The following PITPNM2 variants were observed in gnomAD, a reference collection of about 807,000 sequenced individuals.
PITPNM2 encodes membrane-associated phosphatidylinositol transfer protein 2.
In PITPNM2, 35 loss-of-function variants were observed where a neutral mutation model predicts 132.2. The observed-to-expected ratio is 0.26, with a 90% CI of 0.20 to 0.35. The LOEUF (loss-of-function observed/expected upper bound fraction) is 0.35, where lower values mean the gene tolerates loss of function less well. Ranked by LOEUF, PITPNM2 falls within the 10% of genes least tolerant of loss-of-function variation. The probability of loss-of-function intolerance (pLI) is 1.00; values close to 1 mark genes in which losing one functional copy is unlikely to be tolerated. For missense variants in PITPNM2, 1,332 were observed against 1,912.0 expected (o/e 0.70, Z 5.66); for synonymous variants, 738 against 799.2 (o/e 0.92, Z 1.29).
Position 122,992,422 on chromosome 12 carries a change from C to A in PITPNM2, c.2404+77G>T. ...TCTCACCTGGGGAAGAACCACGTAG[C>A]ATGGAGGACCTAGGAGCCAGGGAGC... On this transcript the variant is annotated intron_variant, in intron 16 of 25. Transcript: ENST00000320201. This position sits in a 1 kb window ranked among gnomAD's most constrained non-coding sequence, Gnocchi z 6.5. 6.0e-6 allele frequency: 9 copies of A among 1,487,840 alleles called. 1 individual carries two copies. In the South Asian group the frequency reaches 1.2e-4, roughly 19 times the overall value. The allele number at this position is 1,487,840 out of a possible 1,614,324, so 92.2% of individuals were successfully genotyped here. A position where few individuals can be genotyped will look rare whatever the true frequency, so the allele number is the denominator to read the frequency against.
chr12:123,137,463 C>T (rs2043406346), intron 1 of PITPNM2, among the ~76,000 whole-genome samples: 1 of 152,144 alleles, frequency 6.6e-6, no homozygotes. Flanking sequence ...TGTGCCTGAC[C>T]AGGACAACAG....
At chr12:123,057,950 A>T (rs1325590132) in intron 2 of PITPNM2, among the ~76,000 whole-genome samples, 1 of 152,126 alleles carries the variant, frequency 6.6e-6, no homozygotes, top group Non-Finnish European at 1.5e-5. Flanking sequence ...AGAGGTTGGA[A>T]TGTGACCCTC....
intron 1 of PITPNM2, among the ~76,000 whole-genome samples, chr12:123,114,873 T>C (rs780537338): frequency 6.6e-6 from 1 of 152,238 alleles, no homozygotes; most frequent in Admixed American, 6.5e-5. Context: ...CTCACTGAGC[T>C]GATCTTCAGC....
rs756531051 is a variant in PITPNM2 at position 122,998,539 on chromosome 12, C to G, written c.1225-967G>C. 9.4e-4 allele frequency among the ~76,000 whole-genome samples: 143 copies of G among 152,338 alleles called. 2 individuals carry two copies. The highest frequency in any genetic ancestry group is 7.8e-4 in the Admixed American group (12 of 15,306). On this transcript the variant is annotated intron_variant, in intron 10 of 25. Transcript: ENST00000320201. Reference sequence around the variant, plus strand: ...CTGCCCCAAGCTTCTGGTATGTGACCAGAGGATAGCAGCAGGGCCAGGGCC... The same window carrying G: ...CTGCCCCAAGCTTCTGGTATGTGACGAGAGGATAGCAGCAGGGCCAGGGCC...
intron 1 of PITPNM2, among the ~76,000 whole-genome samples, chr12:123,126,365 G>C (rs756993261): frequency 1.6e-4 from 25 of 152,154 alleles, no homozygotes; most frequent in Non-Finnish European, 3.4e-4. Context: ...CCACAATCCA[G>C]TCTGGCAAGC....
intron 6 of PITPNM2, among the ~76,000 whole-genome samples, chr12:123,006,469 G>T (rs1592936248): frequency 6.6e-6 from 1 of 151,826 alleles, no homozygotes; most frequent in Non-Finnish European, 1.5e-5. Context: ...GGGAGGCTGA[G>T]GTGAGAGGAT....
At chr12:123,125,860 T>A (rs1323666768) in intron 1 of PITPNM2, among the ~76,000 whole-genome samples, 1 of 96,130 alleles carries the variant, frequency 1.0e-5, no homozygotes. Context: ...AAAAAAAAAT[T>A]AGGGTTTTTT....
chr12:123,144,499 T>C (rs1349606200), intron 1 of PITPNM2, among the ~76,000 whole-genome samples: 1 of 152,230 alleles, frequency 6.6e-6, no homozygotes, highest in African/African-American at 2.4e-5. Context: ...GGGCACGATC[T>C]CGGCTCACTG....
At chr12:123,103,226 C>T (rs917732065) in intron 2 of PITPNM2, among the ~76,000 whole-genome samples, 2 of 152,202 alleles carry the variant, frequency 1.3e-5, no homozygotes, top group Admixed American at 1.3e-4. Flanking sequence ...GGCCATTTCC[C>T]TGCATATGCC....
chr12:123,112,571 C>T (rs1012911433), intron 1 of PITPNM2, among the ~76,000 whole-genome samples: 1 of 144,606 alleles, frequency 6.9e-6, no homozygotes, highest in Non-Finnish European at 1.5e-5. Flanking sequence ...TGGAGTCTTG[C>T]TCTGTCACCC....
chr12:123,081,351 G>A (rs1304217711), intron 2 of PITPNM2: 2 of 152,260 alleles, frequency 1.3e-5, no homozygotes, highest in Non-Finnish European at 2.9e-5. Flanking sequence ...CTCAACTGCT[G>A]TTTCCCCTAG....
At chr12:123,062,475 G>C (rs532898476) in intron 2 of PITPNM2, among the ~76,000 whole-genome samples, 1 of 152,266 alleles carries the variant, frequency 6.6e-6, no homozygotes, top group African/African-American at 2.4e-5. Context: ...AGAAATCCCA[G>C]GGAAGGGACA....
Position 123,000,382 on chromosome 12 carries a change from A to C in PITPNM2, c.1224+396T>G, listed in dbSNP as rs1425902960. On this transcript the variant is annotated intron_variant, in intron 10 of 25. Transcript: ENST00000320201. The surrounding 1 kb of genome is among the most constrained non-coding windows in gnomAD (Gnocchi z 5.4). ...CCATCTTGTCGGCCACGGCCACATC[A>C]CTTCTGCCTAGACGACTGTCGCTTC... is the stretch of plus-strand genomic sequence containing the variant. The C allele has an allele frequency of 1.4e-6, 1 of 701,880 alleles. No individual in the cohort carries two copies. Among genetic ancestry groups the C allele is most frequent in the South Asian group, 1.5e-5 (1 of 67,546 alleles). The allele number at this position is 701,880 out of a possible 1,614,324, so 43.5% of individuals were successfully genotyped here.
intron 3 of PITPNM2, among the ~76,000 whole-genome samples, chr12:123,029,829 G>GTC (rs770845759): frequency 1.5e-5 from 1 of 68,524 alleles, no homozygotes; most frequent in Non-Finnish European, 2.9e-5. Context: ...ATATGTGTCT[G>GTC]TGTGTGTGTG....
At chr12:123,080,146 G>GGACC (rs573441121) in intron 2 of PITPNM2, among the ~76,000 whole-genome samples, 212 of 152,290 alleles carry the variant, frequency 1.4e-3, no homozygotes, top group African/African-American at 4.6e-3. Flanking sequence ...GTACATGGAT[G>GGACC]GACCACATTC....
rs760328614 is a variant in PITPNM2, at chr12:123,064,583, G to A, written c.-95-29898C>T. Among the ~76,000 whole-genome samples the A allele has an allele frequency of 1.3e-5, 2 of 152,168 alleles. No individual in the cohort carries two copies. Among genetic ancestry groups the A allele is most frequent in the African/African-American group, 2.4e-5 (1 of 41,442 alleles). On this transcript the variant is annotated intron_variant, in intron 2 of 25. Coordinates refer to ENST00000320201, the MANE Select transcript of PITPNM2 (RefSeq NM_020845.3). This position sits in a 1 kb window ranked among gnomAD's most constrained non-coding sequence, Gnocchi z 4.0. The stretch of plus-strand genomic sequence containing the variant: ...TTTCGGGAAGCTCTGCGCACAGCCC[G>A]CCACTTCCCTGCCAGGCTGACTGGG...
At chr12:123,075,896 T>C (rs1484196157) in intron 2 of PITPNM2, 2 of 152,284 alleles carry the variant, frequency 1.3e-5, no homozygotes, top group African/African-American at 4.8e-5. Context: ...TTGGGCTTGG[T>C]AACTGAACAC....
At position 122,987,614 on chromosome 12, in the gene PITPNM2, A is replaced by G; in HGVS notation, c.3160T>C (p.Tyr1054His). 1.2e-6 allele frequency: 2 copies of G among 1,613,932 alleles called. No homozygotes were observed. The highest frequency in any genetic ancestry group is 1.7e-6 in the Non-Finnish European group (2 of 1,179,990). The change falls in exon 22 of 26, where the codon TAC becomes CAC. Residue 1054 changes from tyrosine (Y) to histidine (H), a missense_variant. Tyr to His is a moderately conservative substitution (Grantham distance 83, BLOSUM62 2). Transcript: ENST00000320201. ...MTQPPSGEWL[Y>H]LDTLVTNNSG... ...TTGTTGGTCACCAGCGTATCCAGGT[A>G]GAGCCACTCGCCTGAGGGCGGCTGG...
In PITPNM2 at chr12:123,106,880, C is replaced by A. The variant is rs2042727326; in HGVS notation, c.-96+3505G>T. ...AGACTTATCACAGACCTAAACCTCA[C>A]AGGGACGGACAGGCCTGCATTCCCA... On this transcript the variant is annotated intron_variant, in intron 2 of 25. Transcript: ENST00000320201. This position sits in a 1 kb window ranked among gnomAD's most constrained non-coding sequence, Gnocchi z 4.4. Among the ~76,000 whole-genome samples the A allele has an allele frequency of 6.6e-6, 1 of 152,236 alleles. No homozygotes were observed. Among genetic ancestry groups the A allele is most frequent in the Non-Finnish European group, 1.5e-5 (1 of 68,044 alleles).
Sources: gnomAD v4.1 joint callset for allele counts (sites outside exome capture counted in the v4.1 genomes callset) on GRCh38, gnomAD v4.1.1 for gene constraint, Gnocchi (gnomAD v3.1) non-coding constraint, MANE v1.5 for transcripts, NCBI Gene and HGNC (gene_info 2026-07-23, HGNC 2026-07-21) for gene names.